DOCK9: variants seen among roughly 807,000 people sequenced by gnomAD.
DOCK9 encodes the protein dedicator of cytokinesis 9.
A neutral mutation model predicts 263.3 loss-of-function variants in DOCK9; 89 were observed. That is an observed-to-expected ratio of 0.34 (90% CI 0.28 to 0.40). DOCK9 has a LOEUF of 0.40. Ranked by LOEUF, DOCK9 falls within the 10% of genes least tolerant of loss-of-function variation. DOCK9 has a pLI of 1.00. For synonymous variants in DOCK9, 976 were observed against 973.1 expected (o/e 1.00, Z -0.06); for missense variants, 2,140 against 2,603.4 (o/e 0.82, Z 3.87).
intron 1 of DOCK9, among the ~76,000 whole-genome samples, chr13:99,004,968 G>A (rs927516001): frequency 6.6e-6 from 1 of 151,886 alleles, no homozygotes; most frequent in Non-Finnish European, 1.5e-5. Context: ...TAAATGTACA[G>A]ATATATTTCC....
Position 98,977,771 on chromosome 13 carries a change from G to C in DOCK9, c.126+13C>G, listed in dbSNP as rs776148832. On this transcript the variant is annotated intron_variant, in intron 1 of 52. Transcript: ENST00000682017. ...GGGTAGACACAGCAACACTTTGTACGAGACCCTCTTACCGGCACAGGGCCC... is the reference window on the plus strand; with the variant it reads ...GGGTAGACACAGCAACACTTTGTACCAGACCCTCTTACCGGCACAGGGCCC... 1 of 1,611,218 alleles carries C rather than the reference G, an allele frequency of 6.2e-7. No individual in the cohort carries two copies. The highest frequency in any genetic ancestry group is 1.1e-5 in the South Asian group (1 of 90,398).
chr13:98,959,604 AG>A (rs2058416266), intron 1 of DOCK9: 1 of 152,320 alleles, frequency 6.6e-6, no homozygotes, highest in Admixed American at 6.5e-5. Flanking sequence ...TCCCTTCTAC[AG>A]GTGTCCTTTG....
chr13:98,891,467 G>T (rs1566876632), intron 15 of DOCK9, among the ~76,000 whole-genome samples: 1 of 152,116 alleles, frequency 6.6e-6, no homozygotes, highest in Non-Finnish European at 1.5e-5. Context: ...AAGGGTAATG[G>T]ATTTCACCCC....
intron 47 of DOCK9, chr13:98,808,812 T>C (rs1446183223): frequency 2.9e-6 from 2 of 692,464 alleles, no homozygotes; most frequent in East Asian, 2.8e-5. Context: ...AAAATTTAAG[T>C]TAAATTTAGA....
At chr13:99,010,186 G>A (rs1007054479) in intron 1 of DOCK9, among the ~76,000 whole-genome samples, 40 of 152,124 alleles carry the variant, frequency 2.6e-4, no homozygotes, top group African/African-American at 6.3e-4. Context: ...AGTTCTAACC[G>A]AGCAAGTTCT....
chr13:99,073,628 G>C (rs1410686756), intron 1 of DOCK9, among the ~76,000 whole-genome samples: 3 of 152,102 alleles, frequency 2.0e-5, no homozygotes, highest in Non-Finnish European at 4.4e-5. Context: ...TATAGAAAAG[G>C]GCAGTCCTGA....
chr13:98,837,898 T>C (rs2093066637), intron 38 of DOCK9, among the ~76,000 whole-genome samples: 2 of 152,234 alleles, frequency 1.3e-5, no homozygotes, highest in South Asian at 4.1e-4. Flanking sequence ...CTATGAACTT[T>C]ACACATATTC....
chr13:99,003,840 T>A (rs1229326169), intron 1 of DOCK9, among the ~76,000 whole-genome samples: 1 of 152,192 alleles, frequency 6.6e-6, no homozygotes, highest in Non-Finnish European at 1.5e-5. Context: ...AAGTACAGTA[T>A]GAGATTCATT....
chr13:98,935,085 A>T (rs1595458750), intron 2 of DOCK9, among the ~76,000 whole-genome samples: 1 of 152,316 alleles, frequency 6.6e-6, no homozygotes, highest in Middle Eastern at 3.4e-3. Context: ...AGGGAGTCTA[A>T]ATTCAGTAAG....
chr13:99,045,822 G>A (rs946748110), intron 1 of DOCK9, among the ~76,000 whole-genome samples: 1 of 152,090 alleles, frequency 6.6e-6, no homozygotes, highest in East Asian at 1.9e-4. Context: ...GCCGGGTGCG[G>A]TGGCTCACAC....
chr13:98,891,393 T>C (rs1191114608), intron 15 of DOCK9, among the ~76,000 whole-genome samples: 1 of 152,204 alleles, frequency 6.6e-6, no homozygotes, highest in Non-Finnish European at 1.5e-5. Flanking sequence ...TGAAGTTGTA[T>C]CTGCTTTGAG....
chr13:99,055,053 T>A lies in DOCK9; in HGVS notation c.129+31170A>T, dbSNP rs1354597219. 4.6e-5 allele frequency among the ~76,000 whole-genome samples: 7 copies of A among 152,244 alleles called. No individual in the cohort carries two copies. The East Asian group carries it at 1.2e-3, about 25-fold the overall frequency. On this transcript the variant is annotated intron_variant, in intron 1 of 32. Coordinates refer to the DOCK9 transcript ENST00000427887. ...CTCATCCACTTTTTTTGCACAAAGG[T>A]TCTGCTATGAAATTTTCTTGAATGA...
intron 1 of DOCK9, among the ~76,000 whole-genome samples, chr13:99,024,512 G>C (rs1372553734): frequency 6.6e-6 from 1 of 152,212 alleles, no homozygotes; most frequent in Non-Finnish European, 1.5e-5. Context: ...TATGGCTGTT[G>C]AAAAGTTGTT....
rs199901746 is a variant in DOCK9 at position 98,930,241 on chromosome 13, C to T, written c.260G>A (p.Arg87Gln). The change falls in exon 3 of 53, where the codon CGA (arginine) becomes CAA (glutamine). Residue 87 changes from arginine (R) to glutamine (Q), a missense_variant. Around this residue, in one of 2 missense-constraint regions of DOCK9, gnomAD observed 1,521 missense variants for 1,741.7 expected, o/e 0.87. Transcript: ENST00000682017. ...YDDFQTAILR[R>Q]QGRYICSTVP... is the part of the protein sequence containing the mutation. ...TGTTGAGCATATGTATCGACCCTGT[C>T]GTCTCAGGATGGCCGTCTGGAAACA... 1.8e-3 allele frequency: 2,852 copies of T among 1,610,806 alleles called. 1 individual carries two copies. The highest frequency in any genetic ancestry group is 2.2e-3 in the Non-Finnish European group (2,581 of 1,178,568).
intron 2 of DOCK9, among the ~76,000 whole-genome samples, chr13:98,931,124 G>T (rs1285344986): frequency 6.6e-6 from 1 of 152,156 alleles, no homozygotes; most frequent in Non-Finnish European, 1.5e-5. Context: ...ATTGCTAAAT[G>T]AATCTATGAA....
rs1445388065 is a variant in DOCK9, at chr13:98,829,236, T to C, written c.4965+71A>G. 13 of 1,390,878 alleles carry C rather than the reference T, an allele frequency of 9.3e-6. No homozygotes were observed. In the Admixed American group the frequency reaches 2.9e-4, roughly 31 times the overall value. The allele number at this position is 1,390,878 out of a possible 1,614,324, so 86.2% of individuals were successfully genotyped here. Reference sequence around the variant, plus strand: ...TTAATGGAATAACTTTTCTCAAAACTGGCTTTTTAAGTGAATGGGGCCTCA... The same window carrying C: ...TTAATGGAATAACTTTTCTCAAAACCGGCTTTTTAAGTGAATGGGGCCTCA... On this transcript the variant is annotated intron_variant, in intron 43 of 52. Coordinates refer to ENST00000682017, the MANE Select transcript of DOCK9 (RefSeq NM_001366683.2). The surrounding 1 kb of genome is among the most constrained non-coding windows in gnomAD (Gnocchi z 4.1).
intron 1 of DOCK9, among the ~76,000 whole-genome samples, chr13:98,995,574 C>T (rs1247037487): frequency 6.6e-6 from 1 of 150,472 alleles, no homozygotes; most frequent in Non-Finnish European, 1.5e-5. Context: ...CTGCAAGCTC[C>T]GCCCCCCGAG....
chr13:98,948,607 T>C (rs1280672310), intron 2 of DOCK9, among the ~76,000 whole-genome samples: 2 of 152,188 alleles, frequency 1.3e-5, no homozygotes, highest in Non-Finnish European at 2.9e-5. Flanking sequence ...TCAATGGCAT[T>C]AAGTACATTC....
At chr13:99,023,766 C>T (rs1361482268) in intron 1 of DOCK9, among the ~76,000 whole-genome samples, 1 of 152,186 alleles carries the variant, frequency 6.6e-6, no homozygotes, top group Non-Finnish European at 1.5e-5. Flanking sequence ...TTTTCTCGTC[C>T]TCTCTCCATT....
Sources: gnomAD v4.1 joint callset for allele counts (sites outside exome capture counted in the v4.1 genomes callset) on GRCh38, gnomAD v4.1.1 for gene constraint, gnomAD v4.1.1 regional missense constraint, Gnocchi (gnomAD v3.1) non-coding constraint, MANE v1.5 for transcripts, NCBI Gene and HGNC (gene_info 2026-07-23, HGNC 2026-07-21) for gene names.